Variants in SNTG1 observed in about 807,000 individuals in gnomAD.
The protein encoded by SNTG1 is gamma-1-syntrophin.
A neutral mutation model predicts 74.7 loss-of-function variants in SNTG1; 39 were observed. The observed-to-expected ratio is 0.52, with a 90% CI of 0.40 to 0.68. The LOEUF is 0.68. Ranked by LOEUF, SNTG1 falls within the 30% of genes least tolerant of loss-of-function variation. The pLI is 0.00. For synonymous variants in SNTG1, 254 were observed against 217.1 expected, an observed-to-expected ratio of 1.17 and a Z score of -1.49; for missense variants, 685 against 609.5, an observed-to-expected ratio of 1.12 and a Z score of -1.30.
chr8:50,358,868 T>C (rs2091887410), intron 2 of SNTG1, among the ~76,000 whole-genome samples: 1 of 152,208 alleles, frequency 6.6e-6, no homozygotes, highest in East Asian at 1.9e-4. Flanking sequence ...ATAAAACACT[T>C]TCATACTTGA....
rs374015882 is a variant in SNTG1 at position 50,711,309 on chromosome 8, A to G, written c.1284+2331A>G. On this transcript the variant is annotated intron_variant, in intron 17 of 18. Transcript: ENST00000642720. ...AAATATCTTTAAGACTATATGTCCA[A>G]GAGTTTTTGAATGTTTGGATTCAGG... 1.2e-4 allele frequency among the ~76,000 whole-genome samples: 19 copies of G among 152,294 alleles called. No homozygotes were observed. The East Asian group carries it at 2.9e-3, about 23-fold the overall frequency.
intron 2 of SNTG1, among the ~76,000 whole-genome samples, chr8:50,285,759 A>C (rs2130490594): frequency 6.6e-6 from 1 of 152,028 alleles, no homozygotes; most frequent in East Asian, 1.9e-4. Flanking sequence ...AAAAACCATA[A>C]GGGCGTCATT....
At chr8:49,919,551 C>G (rs1016400788) in intron 1 of SNTG1, among the ~76,000 whole-genome samples, 1 of 151,746 alleles carries the variant, frequency 6.6e-6, no homozygotes, top group Admixed American at 6.6e-5. Context: ...TCTCTAAAAG[C>G]TTTTTTTTCC....
At chr8:50,495,495 C>T (rs1276225340) in intron 8 of SNTG1, among the ~76,000 whole-genome samples, 4 of 149,886 alleles carry the variant, frequency 2.7e-5, no homozygotes, top group African/African-American at 4.9e-5. Context: ...ATTTCCTCCA[C>T]GTTCCCAATT....
At chr8:50,638,588 C>T (rs1329117963) in intron 13 of SNTG1, among the ~76,000 whole-genome samples, 1 of 151,982 alleles carries the variant, frequency 6.6e-6, no homozygotes, top group Non-Finnish European at 1.5e-5. Context: ...CAGAAAATAC[C>T]TTACAAAATA....
chr8:50,007,256 A>C (rs148203742), intron 1 of SNTG1, among the ~76,000 whole-genome samples: 578 of 152,202 alleles, frequency 3.8e-3, no homozygotes, highest in Non-Finnish European at 5.9e-3. Flanking sequence ...GCATGGGATA[A>C]TATGACATCC....
chr8:50,701,756 C>CTTCTT (rs1563761853), intron 15 of SNTG1, among the ~76,000 whole-genome samples: 6,098 of 123,742 alleles, frequency 0.049, 178 homozygotes, highest in African/African-American at 0.066. Flanking sequence ...TCCTTCTTCT[C>CTTCTT]CTTCTTCTTC....
At chr8:50,669,380 A>T (rs1191805025) in intron 15 of SNTG1, among the ~76,000 whole-genome samples, 2 of 152,214 alleles carry the variant, frequency 1.3e-5, no homozygotes, top group Non-Finnish European at 2.9e-5. Context: ...TCCCACAGAA[A>T]TACAAACTAC....
At chr8:50,095,893 A>C (rs1404788827) in intron 1 of SNTG1, among the ~76,000 whole-genome samples, 1 of 152,126 alleles carries the variant, frequency 6.6e-6, no homozygotes, top group Non-Finnish European at 1.5e-5. Flanking sequence ...TTTTGTTGAT[A>C]AACAAAATAC....
intron 18 of SNTG1, among the ~76,000 whole-genome samples, chr8:50,752,614 G>A (rs570688724): frequency 6.6e-6 from 1 of 151,804 alleles, no homozygotes; most frequent in Non-Finnish European, 1.5e-5. Context: ...AGAGAAAAGG[G>A]TAAATAACAA....
intron 4 of SNTG1, among the ~76,000 whole-genome samples, chr8:50,417,767 C>A (rs531024239): frequency 6.6e-6 from 1 of 152,228 alleles, no homozygotes; most frequent in African/African-American, 2.4e-5. Flanking sequence ...GAAAACAATG[C>A]CCCACTGCCA....
At chr8:50,350,098 C>T (rs921690634) in intron 2 of SNTG1, among the ~76,000 whole-genome samples, 13 of 152,154 alleles carry the variant, frequency 8.5e-5, no homozygotes, top group Admixed American at 1.3e-4. Flanking sequence ...CCCCCAGCAG[C>T]GCCGGCTCAC....
chr8:50,455,320 G>T (rs57692131), intron 8 of SNTG1, among the ~76,000 whole-genome samples: 1 of 152,066 alleles, frequency 6.6e-6, no homozygotes, highest in Non-Finnish European at 1.5e-5. Context: ...TCAGACTTGA[G>T]ATTTATGGGT....
intron 15 of SNTG1, among the ~76,000 whole-genome samples, chr8:50,678,889 CT>C (rs959942208): frequency 1.3e-5 from 2 of 151,964 alleles, no homozygotes; most frequent in Non-Finnish European, 2.9e-5. Flanking sequence ...GGTATGTTTT[CT>C]TTTCCAAGGA....
chr8:49,955,084 T>C (rs1218610011), intron 1 of SNTG1, among the ~76,000 whole-genome samples: 1 of 152,152 alleles, frequency 6.6e-6, no homozygotes, highest in Non-Finnish European at 1.5e-5. Flanking sequence ...TTATAAAAGG[T>C]TCATAATTTA....
chr8:50,525,782 T>C (rs915571536), intron 9 of SNTG1, among the ~76,000 whole-genome samples: 1 of 152,114 alleles, frequency 6.6e-6, no homozygotes, highest in Non-Finnish European at 1.5e-5. Flanking sequence ...GTGTTTTTGT[T>C]TTAGCACACT....
At chr8:50,287,324 T>A (rs1202985245) in intron 2 of SNTG1, among the ~76,000 whole-genome samples, 1 of 152,198 alleles carries the variant, frequency 6.6e-6, no homozygotes, top group Non-Finnish European at 1.5e-5. Flanking sequence ...TCCAATGTTG[T>A]TCTTCTCCTA....
chr8:50,079,673 C>T (rs1002329805), intron 1 of SNTG1, among the ~76,000 whole-genome samples: 2 of 152,096 alleles, frequency 1.3e-5, no homozygotes, highest in African/African-American at 2.4e-5. Context: ...CCTAGGTTTT[C>T]TTCTACAGTT....
At chr8:50,723,851 A>T (rs540491059) in intron 17 of SNTG1, among the ~76,000 whole-genome samples, 11 of 152,258 alleles carry the variant, frequency 7.2e-5, no homozygotes, top group African/African-American at 2.6e-4. Context: ...GTAGTTTTGC[A>T]GGAAAAGACT....
Sources: gnomAD v4.1 joint callset for allele counts (sites outside exome capture counted in the v4.1 genomes callset) on GRCh38, gnomAD v4.1.1 for gene constraint, MANE v1.5 for transcripts, NCBI Gene and HGNC (gene_info 2026-07-23, HGNC 2026-07-21) for gene names.